IL1RAPL2: variants seen among roughly 807,000 people sequenced by gnomAD.
IL1RAPL2 encodes the protein interleukin 1 receptor accessory protein like 2, also known as X-linked interleukin-1 receptor accessory protein-like 2.
In IL1RAPL2, 3 loss-of-function variants were observed where a neutral mutation model predicts 44.1. That is an observed-to-expected ratio of 0.07 (90% CI 0.03 to 0.18). The LOEUF (loss-of-function observed/expected upper bound fraction) is 0.18. Among genes scored for constraint, IL1RAPL2 ranks in the 10% least tolerant of loss-of-function variants. The pLI is 1.00. For missense variants in IL1RAPL2, 391 were observed against 496.4 expected, an observed-to-expected ratio of 0.79 and a Z score of 2.02; for synonymous variants, 181 against 178.8, an observed-to-expected ratio of 1.01 and a Z score of -0.10.
chrX:105,386,725 G>A (rs2035479120), intron 5 of IL1RAPL2, among the ~76,000 whole-genome samples: 1 of 111,787 alleles, frequency 8.9e-6, no homozygotes, highest in African/African-American at 3.2e-5. Flanking sequence ...GAAGGCAGGA[G>A]ATAAATATAC....
chrX:104,843,651 A>G (rs1921968133), intron 2 of IL1RAPL2, among the ~76,000 whole-genome samples: 1 of 108,948 alleles, frequency 9.2e-6, no homozygotes, highest in Non-Finnish European at 1.9e-5. Flanking sequence ...GGAGGGAGGT[A>G]CCCCAGCTCC....
intron 5 of IL1RAPL2, among the ~76,000 whole-genome samples, chrX:105,345,357 A>C: frequency 9.0e-6 from 1 of 111,609 alleles, no homozygotes; most frequent in South Asian, 3.8e-4. Flanking sequence ...GCAGTGAATA[A>C]TTATTATTTT....
intron 2 of IL1RAPL2, among the ~76,000 whole-genome samples, chrX:104,754,819 T>C (rs1272517069): frequency 1.8e-5 from 2 of 111,967 alleles, no homozygotes; most frequent in Non-Finnish European, 3.8e-5. Flanking sequence ...GGATAAGAAA[T>C]GCAAAGGCAG....
chrX:105,407,071 G>A (rs1602397708), intron 5 of IL1RAPL2: 1 of 661,955 alleles, frequency 1.5e-6, no homozygotes, highest in East Asian at 3.2e-5. Flanking sequence ...GGAGGAAGAT[G>A]TACAAGATGA....
chrX:105,559,739 C>T (rs1444087558), intron 6 of IL1RAPL2, among the ~76,000 whole-genome samples: 1 of 111,448 alleles, frequency 9.0e-6, no homozygotes, highest in Non-Finnish European at 1.9e-5. Context: ...TTTTATTGTA[C>T]TCTTCAAAGT....
chrX:104,572,961 C>T (rs1055040636), intron 1 of IL1RAPL2, among the ~76,000 whole-genome samples: 2 of 111,857 alleles, frequency 1.8e-5, no homozygotes, highest in African/African-American at 6.5e-5. Context: ...TGATATTTAC[C>T]TTGTTCTGCA....
At chrX:105,755,114 C>T in intron 9 of IL1RAPL2, 63 bp from the exon 10 acceptor site, 1 of 719,258 alleles carries the variant, frequency 1.4e-6, no homozygotes, top group Non-Finnish European at 2.0e-6. Flanking sequence ...CTATTCCTGC[C>T]TCTTAGTACT....
intron 2 of IL1RAPL2, among the ~76,000 whole-genome samples, chrX:104,753,286 C>T (rs945834836): frequency 3.6e-5 from 4 of 110,361 alleles, no homozygotes; most frequent in East Asian, 5.7e-4. Flanking sequence ...ACAATCTACA[C>T]GAGGATTTGT....
chrX:104,948,900 C>T (rs1393140686), intron 2 of IL1RAPL2, among the ~76,000 whole-genome samples: 11 of 110,054 alleles, frequency 1.0e-4, no homozygotes, highest in African/African-American at 3.3e-4. Context: ...GTGTCTCTGC[C>T]TGGCTTTGGT....
At chrX:105,323,249 A>G (rs934169263) in intron 5 of IL1RAPL2, among the ~76,000 whole-genome samples, 1 of 112,531 alleles carries the variant, frequency 8.9e-6, no homozygotes, top group African/African-American at 3.2e-5. Context: ...TTTTAAATCA[A>G]TGAATAATTG....
intron 2 of IL1RAPL2, among the ~76,000 whole-genome samples, chrX:104,948,586 C>T (rs1230047103): frequency 4.6e-5 from 5 of 109,821 alleles, no homozygotes; most frequent in Admixed American, 9.8e-5. Context: ...TTTTGAAATA[C>T]GTCCCATCAA....
intron 3 of IL1RAPL2, among the ~76,000 whole-genome samples, chrX:105,222,338 G>A (rs782713507): frequency 2.7e-5 from 3 of 112,264 alleles, no homozygotes; most frequent in Non-Finnish European, 5.6e-5. Flanking sequence ...TAATTAGAGA[G>A]GAAAAAGACA....
intron 6 of IL1RAPL2, among the ~76,000 whole-genome samples, chrX:105,576,528 C>T (rs941658492): frequency 9.0e-6 from 1 of 111,440 alleles, no homozygotes; most frequent in African/African-American, 3.3e-5. Flanking sequence ...TGTTCTCATG[C>T]TCTACAAGCA....
chrX:105,485,471 A>G (rs1027216363), intron 6 of IL1RAPL2, among the ~76,000 whole-genome samples: 67 of 110,830 alleles, frequency 6.0e-4, no homozygotes, highest in African/African-American at 1.9e-3. Flanking sequence ...GTCCGGTTAT[A>G]ATATTTTAGT....
intron 5 of IL1RAPL2, among the ~76,000 whole-genome samples, chrX:105,333,908 C>T (rs776804586): frequency 2.7e-5 from 3 of 111,864 alleles, no homozygotes; most frequent in East Asian, 2.8e-4. Context: ...AGGGAACCCT[C>T]GTCCACTGTT....
At chrX:104,713,838 C>G (rs1434071265) in intron 2 of IL1RAPL2, among the ~76,000 whole-genome samples, 1 of 110,663 alleles carries the variant, frequency 9.0e-6, no homozygotes, top group Non-Finnish European at 1.9e-5. Context: ...GACATATGTT[C>G]ACTTCCCCTC....
At chrX:105,032,934 G>A (rs2031539159) in intron 2 of IL1RAPL2, among the ~76,000 whole-genome samples, 3 of 111,560 alleles carry the variant, frequency 2.7e-5, no homozygotes. Context: ...TATATATTTA[G>A]GATAGTTAGT....
intron 2 of IL1RAPL2, among the ~76,000 whole-genome samples, chrX:104,847,251 A>G (rs1449841881): frequency 3.6e-5 from 4 of 111,680 alleles, no homozygotes; most frequent in Non-Finnish European, 7.5e-5. Flanking sequence ...TGGTGTTTTA[A>G]TCATGAAGTC....
intron 2 of IL1RAPL2, among the ~76,000 whole-genome samples, chrX:105,063,615 G>A (rs1258047357): frequency 8.9e-6 from 1 of 111,980 alleles, no homozygotes; most frequent in African/African-American, 3.3e-5. Flanking sequence ...TCCTTAATAT[G>A]TTGTTTGTCA....
Sources: gnomAD v4.1 joint callset for allele counts (sites outside exome capture counted in the v4.1 genomes callset) on GRCh38, gnomAD v4.1.1 for gene constraint, MANE v1.5 for transcripts, NCBI Gene and HGNC (gene_info 2026-07-23, HGNC 2026-07-21) for gene names.